Variants in PHIP observed in about 807,000 individuals in gnomAD.
The protein encoded by PHIP is PH-interacting protein.
PHIP carries 54 observed loss-of-function variants against 236.8 expected under a neutral mutation model. That is an observed-to-expected ratio of 0.23 (90% CI 0.18 to 0.29). The LOEUF (loss-of-function observed/expected upper bound fraction) is 0.29. PHIP is among the 10% of genes least tolerant of loss of function. PHIP has a pLI of 1.00. For missense variants in PHIP, 1,370 were observed against 2,190.8 expected (o/e 0.63, Z 7.48); for synonymous variants, 756 against 718.9 (o/e 1.05, Z -0.83).
intron 4 of PHIP, chr6:79,068,280 T>C (rs530724373): frequency 6.6e-6 from 1 of 152,436 alleles, no homozygotes; most frequent in African/African-American, 2.4e-5. Flanking sequence ...CCTGCCAGCA[T>C]GGTGAAACCC....
chr6:79,066,294 C>G (rs1773616188), intron 4 of PHIP, among the ~76,000 whole-genome samples: 1 of 152,076 alleles, frequency 6.6e-6, no homozygotes, highest in South Asian at 2.1e-4. Flanking sequence ...CACTGAATGC[C>G]AGGCCCTATG....
intron 26 of PHIP, 61 bp from the exon 27 acceptor site, chr6:78,969,978 CA>C: frequency 6.3e-7 from 1 of 1,586,766 alleles, no homozygotes; most frequent in Non-Finnish European, 8.6e-7. Flanking sequence ...AAAAGATGTT[CA>C]AATGTATCTG....
At chr6:79,077,040 G>C (rs1273778328) in intron 4 of PHIP, among the ~76,000 whole-genome samples, 1 of 152,102 alleles carries the variant, frequency 6.6e-6, no homozygotes. Context: ...GGAGAAAGCC[G>C]AGCCGGCCGC....
At chr6:79,074,979 T>C (rs1774076469) in intron 4 of PHIP, among the ~76,000 whole-genome samples, 1 of 152,126 alleles carries the variant, frequency 6.6e-6, no homozygotes, top group Non-Finnish European at 1.5e-5. Flanking sequence ...GTTTATTAGT[T>C]AATACAACAA....
chr6:78,959,155 A>C (rs1444586037), intron 31 of PHIP, among the ~76,000 whole-genome samples: 2 of 152,132 alleles, frequency 1.3e-5, no homozygotes, highest in East Asian at 3.8e-4. Context: ...TTAATTGACA[A>C]TGCTAAAATA....
At position 78,947,653 on chromosome 6, in the gene PHIP, G is replaced by A; in HGVS notation, c.4176C>T (p.Ser1392=). 2 of 1,489,302 alleles carry A rather than the reference G, an allele frequency of 1.3e-6. No homozygotes were observed. The highest frequency in any genetic ancestry group is 9.4e-7 in the Non-Finnish European group (1 of 1,067,942). 92.3% of individuals were successfully genotyped at this position (1,489,302 alleles called of 1,614,324 possible). ...CKDVRLIFSN[S]KAYTPSKRSR... The stretch of plus-strand genomic sequence containing the variant: ...ATCTTTTGCTTGGTGTATATGCTTT[G>A]GAATTACTGAAAATAAGTCTGACAT... Residue 1392 remains serine (S), a synonymous_variant, in exon 36 of 40, where the codon TCC becomes TCT. Coordinates refer to ENST00000275034, the MANE Select transcript of PHIP (RefSeq NM_017934.7).
chr6:79,020,313 T>G (rs1771055732), intron 9 of PHIP, among the ~76,000 whole-genome samples: 1 of 152,194 alleles, frequency 6.6e-6, no homozygotes. Flanking sequence ...AAAATAAGTT[T>G]GTAAATAGTT....
In PHIP at chr6:79,001,912, T is replaced by G; in HGVS notation, c.1866A>C (p.Gly622=). ...ATGAGCACCTACCTGAGGAAGTTACTCCCATCTGAGGGATGAGTTGCTCCT... is the reference window on the plus strand; with the variant it reads ...ATGAGCACCTACCTGAGGAAGTTACGCCCATCTGAGGGATGAGTTGCTCCT... ...CREEQLIPQM[G]VTSSGLNQVL... The change falls in exon 17 of 40, where the codon GGA becomes GGC. Residue 622 remains glycine (G), a synonymous_variant. Coordinates refer to ENST00000275034, the MANE Select transcript of PHIP (RefSeq NM_017934.7). 1 of 1,607,980 alleles carries G rather than the reference T, an allele frequency of 6.2e-7. No homozygotes were observed. Among genetic ancestry groups the G allele is most frequent in the Non-Finnish European group, 8.5e-7 (1 of 1,174,702 alleles).
At chr6:78,965,854 GT>G (rs1211309173) in intron 28 of PHIP, 90 bp from the exon 29 acceptor site, 37 of 1,189,338 alleles carry the variant, frequency 3.1e-5, no homozygotes, top group Non-Finnish European at 3.7e-5. Context: ...TTGCTTCTGT[GT>G]TTAAAAGAAG....
chr6:79,000,774 G>A (rs1769935768), intron 17 of PHIP, among the ~76,000 whole-genome samples: 1 of 152,008 alleles, frequency 6.6e-6, no homozygotes, highest in Non-Finnish European at 1.5e-5. Flanking sequence ...TATTCTTTGA[G>A]TTCATGCTGT....
At chr6:78,990,101 C>T (rs531492711) in intron 20 of PHIP, among the ~76,000 whole-genome samples, 3 of 152,194 alleles carry the variant, frequency 2.0e-5, no homozygotes, top group Admixed American at 6.5e-5. Flanking sequence ...GGAAGGAACA[C>T]GAAGCTGGTG....
chr6:79,061,490 G>A (rs1418549473), intron 4 of PHIP, among the ~76,000 whole-genome samples: 2 of 152,092 alleles, frequency 1.3e-5, no homozygotes, highest in Non-Finnish European at 2.9e-5. Context: ...GAATGCAGAA[G>A]CAGATAGGAA....
intron 4 of PHIP, among the ~76,000 whole-genome samples, chr6:79,064,491 A>G (rs1773527158): frequency 6.6e-6 from 1 of 152,194 alleles, no homozygotes; most frequent in Non-Finnish European, 1.5e-5. Flanking sequence ...TGACTTTACA[A>G]AAAATAGCTC....
At chr6:79,070,768 C>A (rs1343249469) in intron 4 of PHIP, among the ~76,000 whole-genome samples, 1 of 152,194 alleles carries the variant, frequency 6.6e-6, no homozygotes, top group Non-Finnish European at 1.5e-5. Flanking sequence ...TCCTCCTGCA[C>A]ACTTTAAATC....
chr6:78,988,643 T>A (rs1329549702), intron 20 of PHIP, among the ~76,000 whole-genome samples: 1 of 152,202 alleles, frequency 6.6e-6, no homozygotes, highest in Non-Finnish European at 1.5e-5. Flanking sequence ...GAGGTTATAG[T>A]ACCAACTCAA....
At chr6:79,012,819 CAA>C (rs1451440402) in intron 15 of PHIP, among the ~76,000 whole-genome samples, 1 of 151,012 alleles carries the variant, frequency 6.6e-6, no homozygotes, top group African/African-American at 2.4e-5. Flanking sequence ...ATGAAAAGAA[CAA>C]AAGAGTGAAG....
chr6:79,061,639 T>G (rs1582307620), intron 4 of PHIP, among the ~76,000 whole-genome samples: 1 of 152,182 alleles, frequency 6.6e-6, no homozygotes, highest in Non-Finnish European at 1.5e-5. Context: ...TTTATTAGTA[T>G]TATTTAATAG....
At chr6:78,948,486 C>CA (rs1773953679) in intron 35 of PHIP, among the ~76,000 whole-genome samples, 1 of 151,852 alleles carries the variant, frequency 6.6e-6, no homozygotes, top group African/African-American at 2.4e-5. Flanking sequence ...TTAGCAGGGA[C>CA]AAAGAGTATT....
At chr6:79,031,829 G>A (rs953744493) in intron 7 of PHIP, among the ~76,000 whole-genome samples, 1 of 152,064 alleles carries the variant, frequency 6.6e-6, no homozygotes, top group Admixed American at 6.6e-5. Flanking sequence ...TAAGCAATTA[G>A]TATTTTTTTC....
Sources: allele counts gnomAD v4.1 joint callset (sites outside exome capture counted in the v4.1 genomes callset), GRCh38; gene constraint gnomAD v4.1.1; transcripts MANE v1.5; gene names NCBI Gene and HGNC (gene_info 2026-07-23, HGNC 2026-07-21).